The following ACBD6 variants were observed in gnomAD, a reference collection of about 807,000 sequenced individuals.
The protein encoded by ACBD6 is acyl-CoA binding domain containing 6.
ACBD6 carries 28 observed loss-of-function variants against 37.2 expected under a neutral mutation model. The observed-to-expected ratio is 0.75, with a 90% CI of 0.56 to 1.03. ACBD6 has a LOEUF of 1.03. ACBD6 is among the 50% of genes least tolerant of loss of function. The pLI, the probability that ACBD6 is intolerant of heterozygous loss-of-function variation, is 0.00. For synonymous variants in ACBD6, 113 were observed against 126.8 expected (o/e 0.89, Z 0.73); for missense variants, 340 against 337.4 (o/e 1.01, Z -0.06).
chr1:180,369,607 A>C (rs574329545), intron 6 of ACBD6, among the ~76,000 whole-genome samples: 2 of 152,192 alleles, frequency 1.3e-5, no homozygotes, highest in Non-Finnish European at 2.9e-5. Context: ...CAACTTACTC[A>C]GTTTTTAAAA....
intron 3 of ACBD6, among the ~76,000 whole-genome samples, chr1:180,454,935 G>A (rs1479932264): frequency 6.6e-6 from 1 of 152,190 alleles, no homozygotes; most frequent in African/African-American, 2.4e-5. Flanking sequence ...CTGTAAACTA[G>A]TTCAACCATT....
intron 5 of ACBD6, among the ~76,000 whole-genome samples, chr1:180,412,390 T>C (rs1315705207): frequency 6.6e-6 from 1 of 152,200 alleles, no homozygotes. Flanking sequence ...TTATCTATGA[T>C]CATTTAATGC....
At chr1:180,396,980 T>C (rs1654283621) in intron 6 of ACBD6, among the ~76,000 whole-genome samples, 1 of 151,972 alleles carries the variant, frequency 6.6e-6, no homozygotes, top group Non-Finnish European at 1.5e-5. Context: ...GGTATTCAAA[T>C]AAAAATACAA....
intron 6 of ACBD6, among the ~76,000 whole-genome samples, chr1:180,377,492 G>GA (rs1653477964): frequency 6.6e-6 from 1 of 152,146 alleles, no homozygotes; most frequent in Admixed American, 6.5e-5. Flanking sequence ...CTAGAGTAGG[G>GA]AAAATATAAG....
chr1:180,414,052 C>G (rs1048415377), intron 4 of ACBD6, among the ~76,000 whole-genome samples: 2 of 152,178 alleles, frequency 1.3e-5, no homozygotes, highest in African/African-American at 4.8e-5. Context: ...TATTATGCTG[C>G]CTTTTGACTA....
chr1:180,405,445 G>C (rs1207728964), intron 5 of ACBD6, among the ~76,000 whole-genome samples: 1 of 152,150 alleles, frequency 6.6e-6, no homozygotes, highest in Non-Finnish European at 1.5e-5. Flanking sequence ...TGTAACTAAA[G>C]AAGCAGCCCA....
chr1:180,420,201 C>T (rs1161488022), intron 4 of ACBD6, among the ~76,000 whole-genome samples: 1 of 152,152 alleles, frequency 6.6e-6, no homozygotes, highest in African/African-American at 2.4e-5. Flanking sequence ...TCTTTAATTT[C>T]TTCAAGATCT....
chr1:180,274,543 C>G, intron 10 of ACBD6: 4 of 1,596,954 alleles, frequency 2.5e-6, no homozygotes, highest in Non-Finnish European at 3.4e-6. Context: ...CTAGCCCAGG[C>G]TCTTGGCTCG....
chr1:180,358,556 C>A (rs12033191), intron 6 of ACBD6, among the ~76,000 whole-genome samples: 141,845 of 149,794 alleles, frequency 0.95, 67,204 homozygotes, highest in East Asian at 0.98. Flanking sequence ...ACAGAAACCC[C>A]AAAAAAAACC....
chr1:180,455,164 T>C (rs1048416653), intron 3 of ACBD6, among the ~76,000 whole-genome samples: 3 of 152,272 alleles, frequency 2.0e-5, no homozygotes, highest in Non-Finnish European at 4.4e-5. Flanking sequence ...ATGTGGCACA[T>C]ATACACCATG....
intron 3 of ACBD6, among the ~76,000 whole-genome samples, chr1:180,491,304 T>G (rs1651494819): frequency 6.6e-6 from 1 of 152,214 alleles, no homozygotes; most frequent in Non-Finnish European, 1.5e-5. Flanking sequence ...CATGGTACAA[T>G]GCAACCTCTA....
intron 3 of ACBD6, among the ~76,000 whole-genome samples, chr1:180,471,022 T>C (rs1167047543): frequency 6.6e-6 from 1 of 152,218 alleles, no homozygotes; most frequent in African/African-American, 2.4e-5. Flanking sequence ...ATAACATAAA[T>C]AGAAATTTGC....
At chr1:180,318,175 C>CCCCCCCCA (rs10632390) in intron 6 of ACBD6, among the ~76,000 whole-genome samples, 1 of 102,746 alleles carries the variant, frequency 9.7e-6, no homozygotes, top group Admixed American at 1.0e-4. Flanking sequence ...CCCCCCCCCC[C>CCCCCCCCA]AAAAAAAAAA....
intron 6 of ACBD6, among the ~76,000 whole-genome samples, chr1:180,341,266 G>A (rs1651976206): frequency 1.3e-5 from 2 of 151,928 alleles, no homozygotes; most frequent in South Asian, 4.1e-4. Flanking sequence ...GTATACTGCA[G>A]GCATATTATA....
chr1:180,277,626 C>T (rs951168506), intron 9 of ACBD6: 4 of 152,150 alleles, frequency 2.6e-5, no homozygotes, highest in African/African-American at 7.2e-5. Flanking sequence ...GAAGCTGGCC[C>T]GATGGGTAAA....
downstream of ACBD6, among the ~76,000 whole-genome samples, chr1:180,284,725 AC>A (rs1017109114): frequency 3.3e-5 from 5 of 152,122 alleles, no homozygotes; most frequent in Non-Finnish European, 5.9e-5. Context: ...TATAAAATCC[AC>A]CAAGAGGCCT....
chr1:180,407,748 G>A (rs913292877), intron 5 of ACBD6, among the ~76,000 whole-genome samples: 6 of 152,148 alleles, frequency 3.9e-5, no homozygotes, highest in Non-Finnish European at 7.3e-5. Context: ...GTAAAACAAG[G>A]ACAATATCTG....
At chr1:180,486,400 A>G (rs1326654861) in intron 3 of ACBD6, among the ~76,000 whole-genome samples, 3 of 152,232 alleles carry the variant, frequency 2.0e-5, no homozygotes, top group Non-Finnish European at 4.4e-5. Flanking sequence ...TTTGGCTCTG[A>G]CCCAAGAGTC....
intron 3 of ACBD6, among the ~76,000 whole-genome samples, chr1:180,456,471 C>T (rs1421233526): frequency 6.6e-6 from 1 of 152,036 alleles, no homozygotes; most frequent in East Asian, 1.9e-4. Context: ...TATTGAGGAT[C>T]GGCTCAAAGA....
Sources: allele counts gnomAD v4.1 joint callset (sites outside exome capture counted in the v4.1 genomes callset), GRCh38; gene constraint gnomAD v4.1.1; transcripts MANE v1.5; gene names NCBI Gene and HGNC (gene_info 2026-07-23, HGNC 2026-07-21).